The following MYOCD variants were observed in gnomAD, a reference collection of about 807,000 sequenced individuals.
MYOCD encodes the protein myocardin.
Under a neutral mutation model 96.1 loss-of-function variants are expected in MYOCD, and 32 were observed. That is an observed-to-expected ratio of 0.33 (90% CI 0.25 to 0.45). MYOCD has a LOEUF of 0.45. MYOCD is among the 20% of genes least tolerant of loss of function. The pLI is 1.00. For missense variants in MYOCD, 1,133 were observed against 1,200.6 expected, an observed-to-expected ratio of 0.94 and a Z score of 0.83; for synonymous variants, 469 against 469.0, an observed-to-expected ratio of 1.00 and a Z score of 0.00.
intron 2 of MYOCD, among the ~76,000 whole-genome samples, chr17:12,708,540 G>A (rs1042429424): frequency 6.6e-6 from 1 of 151,892 alleles, no homozygotes; most frequent in African/African-American, 2.4e-5. Context: ...CTACAGGCAC[G>A]TGCCACCATG....
chr17:12,723,853 G>T (rs12452107), intron 5 of MYOCD, among the ~76,000 whole-genome samples: 3,101 of 152,236 alleles, frequency 0.02, 139 homozygotes, highest in Admixed American at 0.11. Context: ...TCAAAAAGTA[G>T]GTGTAAGGGC....
Position 12,728,272 on chromosome 17 carries a change from C to T in MYOCD, c.415+5264C>T, listed in dbSNP as rs558912741. 3.3e-5 allele frequency among the ~76,000 whole-genome samples: 5 copies of T among 152,258 alleles called. No homozygotes were observed. The South Asian group carries it at 6.2e-4, about 19-fold the overall frequency. ...TCATCAGAGCATTTTCTTCACTTAA[C>T]GTGAACATCCCTTAGCTCCCACGAA... On this transcript the variant is annotated intron_variant, in intron 5 of 13. Coordinates refer to ENST00000425538, the MANE Select transcript of MYOCD (RefSeq NM_001146312.3).
intron 7 of MYOCD, among the ~76,000 whole-genome samples, chr17:12,741,247 A>C (rs951033434): frequency 1.3e-5 from 2 of 152,240 alleles, no homozygotes; most frequent in Non-Finnish European, 2.9e-5. Context: ...CAAGAGCTTA[A>C]ACCCAGCTGA....
intron 1 of MYOCD, among the ~76,000 whole-genome samples, chr17:12,673,731 G>T (rs1435948615): frequency 1.3e-5 from 2 of 152,214 alleles, no homozygotes; most frequent in South Asian, 4.1e-4. Context: ...GGGAATAATG[G>T]ATTTGAATAT....
intron 10 of MYOCD, among the ~76,000 whole-genome samples, chr17:12,754,768 GA>G (rs2032965626): frequency 1.3e-5 from 2 of 152,214 alleles, no homozygotes; most frequent in African/African-American, 4.8e-5. Flanking sequence ...ATTAGAAAAG[GA>G]ATCAGAAGAA....
chr17:12,688,553 TC>T (rs2030263216), intron 1 of MYOCD, among the ~76,000 whole-genome samples: 1 of 100,062 alleles, frequency 1.0e-5, no homozygotes, highest in Admixed American at 1.1e-4. Flanking sequence ...TCCATCTTCT[TC>T]CTTCCTTCCT....
At chr17:12,740,665 C>G (rs2032479409) in intron 7 of MYOCD, among the ~76,000 whole-genome samples, 1 of 152,168 alleles carries the variant, frequency 6.6e-6, no homozygotes, top group African/African-American at 2.4e-5. Flanking sequence ...AGGCTGCTCT[C>G]TCTTCAGTTA....
At chr17:12,739,694 C>T (rs902994031) in intron 7 of MYOCD, among the ~76,000 whole-genome samples, 2 of 152,158 alleles carry the variant, frequency 1.3e-5, no homozygotes, top group Non-Finnish European at 2.9e-5. Flanking sequence ...GGATTTTATG[C>T]AAGGGAAGTA....
chr17:12,752,566 A>G lies in MYOCD; in HGVS notation c.1278A>G (p.Thr426=), dbSNP rs971203700. 4 of 1,613,918 alleles carry G rather than the reference A, an allele frequency of 2.5e-6. No homozygotes were observed. The highest frequency in any genetic ancestry group is 3.4e-6 in the Non-Finnish European group (4 of 1,180,018). ...TAACGACTGTCACTTTTCCTGTCAC[A>G]CCCAACACGCTGCCCAATTACCAGT... ...GDITTVTFPV[T]PNTLPNYQSS... The change falls in exon 10 of 14, where the codon ACA becomes ACG. Residue 426 remains threonine (T), a synonymous_variant. Transcript: ENST00000425538.
chr17:12,737,876 A>C (rs897076057), intron 6 of MYOCD, among the ~76,000 whole-genome samples: 2 of 152,154 alleles, frequency 1.3e-5, no homozygotes, highest in Non-Finnish European at 2.9e-5. Flanking sequence ...GTGAAATGGG[A>C]GGAAAAAGGG....
intron 5 of MYOCD, among the ~76,000 whole-genome samples, chr17:12,723,977 G>A (rs1172420895): frequency 6.6e-6 from 1 of 152,134 alleles, no homozygotes; most frequent in African/African-American, 2.4e-5. Context: ...TTTGGAACTG[G>A]TAAATATGAA....
intron 1 of MYOCD, among the ~76,000 whole-genome samples, chr17:12,669,249 A>C (rs564444943): frequency 6.6e-6 from 1 of 152,230 alleles, no homozygotes; most frequent in Admixed American, 6.5e-5. Context: ...TGTGCCACAC[A>C]CAGGCACACA....
intron 1 of MYOCD, among the ~76,000 whole-genome samples, chr17:12,678,674 T>C (rs1436546933): frequency 6.6e-6 from 1 of 152,060 alleles, no homozygotes; most frequent in Non-Finnish European, 1.5e-5. Flanking sequence ...ATATTTTTAT[T>C]TTTTTGTTTT....
chr17:12,712,655 AAT>A (rs2150680484), intron 2 of MYOCD, among the ~76,000 whole-genome samples: 1 of 152,328 alleles, frequency 6.6e-6, no homozygotes, highest in South Asian at 2.1e-4. Flanking sequence ...CAGAAATAGG[AAT>A]AGCCCACAAC....
chr17:12,673,932 G>A (rs1327491946), intron 1 of MYOCD, among the ~76,000 whole-genome samples: 3 of 152,140 alleles, frequency 2.0e-5, no homozygotes, highest in Non-Finnish European at 4.4e-5. Flanking sequence ...AGATTGAAAA[G>A]GAAAATGAGT....
chr17:12,692,235 T>A (rs2030487115), intron 1 of MYOCD, among the ~76,000 whole-genome samples: 1 of 152,252 alleles, frequency 6.6e-6, no homozygotes, highest in African/African-American at 2.4e-5. Context: ...CAGTAATGAC[T>A]TTTTAAAAGG....
intron 10 of MYOCD, among the ~76,000 whole-genome samples, chr17:12,756,054 G>T (rs2033002230): frequency 1.3e-5 from 2 of 152,164 alleles, no homozygotes; most frequent in South Asian, 4.1e-4. Flanking sequence ...AAAGTAGAGG[G>T]CCAGGAAAGG....
At chr17:12,762,294 TAG>T (rs2033199666) in intron 13 of MYOCD, 1 of 152,260 alleles carries the variant, frequency 6.6e-6, no homozygotes, top group African/African-American at 2.4e-5. Flanking sequence ...GATAACATAG[TAG>T]AGTCTATGGA....
At chr17:12,716,296 T>C (rs1162147552) in intron 3 of MYOCD, among the ~76,000 whole-genome samples, 2 of 152,194 alleles carry the variant, frequency 1.3e-5, no homozygotes, top group African/African-American at 4.8e-5. Flanking sequence ...CTGTGATTCC[T>C]ACTACCTGGA....
Sources: allele counts gnomAD v4.1 joint callset (sites outside exome capture counted in the v4.1 genomes callset), GRCh38; gene constraint gnomAD v4.1.1; transcripts MANE v1.5; gene names NCBI Gene and HGNC (gene_info 2026-07-23, HGNC 2026-07-21).